Variants in GLIS3 observed in about 807,000 individuals in gnomAD.
GLIS3 encodes the protein zinc finger protein GLIS3.
GLIS3 carries 53 observed loss-of-function variants against 78.6 expected under a neutral mutation model. The observed-to-expected ratio is 0.67, with a 90% CI of 0.54 to 0.85. The LOEUF is 0.85. Ranked by LOEUF, GLIS3 falls within the 40% of genes least tolerant of loss-of-function variation. GLIS3 has a pLI of 0.00. For synonymous variants in GLIS3, 684 were observed against 509.9 expected (o/e 1.34, Z -4.60); for missense variants, 1,703 against 1,231.1 (o/e 1.38, Z -5.74).
the GLIS3 span, among the ~76,000 whole-genome samples, chr9:4,448,965 G>C: frequency 6.6e-6 from 1 of 152,214 alleles, no homozygotes; most frequent in Non-Finnish European, 1.5e-5. Flanking sequence ...CACTGGGACT[G>C]TTTGGACAGT....
chr9:4,125,362 A>T (rs1395181184), intron 3 of GLIS3, among the ~76,000 whole-genome samples: 2 of 152,146 alleles, frequency 1.3e-5, no homozygotes, highest in African/African-American at 4.8e-5. Flanking sequence ...TTCATAGAAA[A>T]CCTGGCAGGT....
chr9:3,903,552 G>C (rs997312529), intron 6 of GLIS3, among the ~76,000 whole-genome samples: 10 of 152,194 alleles, frequency 6.6e-5, no homozygotes, highest in Non-Finnish European at 1.3e-4. Context: ...TGGTTCCAGA[G>C]TGGCTCTGCC....
chr9:4,016,050 G>A (rs541520835), intron 4 of GLIS3, among the ~76,000 whole-genome samples: 3 of 152,216 alleles, frequency 2.0e-5, no homozygotes, highest in East Asian at 3.9e-4. Context: ...GCTATTAAGC[G>A]TATAGTACTA....
At chr9:4,059,829 T>TGTGTGTGTGAGA in intron 4 of GLIS3, among the ~76,000 whole-genome samples, 2,698 of 100,658 alleles carry the variant, frequency 0.027, 68 homozygotes, top group Middle Eastern at 0.07. Flanking sequence ...TGTGTGTGTG[T>TGTGTGTGTGAGA]GAGAGAGAGA....
intron 2 of GLIS3, among the ~76,000 whole-genome samples, chr9:4,263,832 C>G (rs1281551933): frequency 6.6e-6 from 1 of 152,168 alleles, no homozygotes; most frequent in East Asian, 1.9e-4. Flanking sequence ...TGGTTTTCTT[C>G]CTACCTCATT....
chr9:4,174,936 G>A (rs1022672563), intron 2 of GLIS3, among the ~76,000 whole-genome samples: 4 of 152,158 alleles, frequency 2.6e-5, no homozygotes, highest in African/African-American at 4.8e-5. Context: ...TATGACTGAC[G>A]ACGCTGGAAG....
At chr9:4,060,909 G>A (rs1826590204) in intron 4 of GLIS3, among the ~76,000 whole-genome samples, 1 of 152,150 alleles carries the variant, frequency 6.6e-6, no homozygotes, top group Non-Finnish European at 1.5e-5. Flanking sequence ...CCATTTGAAT[G>A]TGCCACCACT....
the GLIS3 span, among the ~76,000 whole-genome samples, chr9:4,398,264 T>G: frequency 2.0e-5 from 3 of 152,060 alleles, no homozygotes; most frequent in African/African-American, 7.3e-5. Context: ...TAAGTGGTTA[T>G]TTTCTACATC....
chr9:4,407,785 G>C, the GLIS3 span, among the ~76,000 whole-genome samples: 3 of 152,146 alleles, frequency 2.0e-5, no homozygotes, highest in East Asian at 5.8e-4. Context: ...AAGTTAAAAA[G>C]CTTCTGCACA....
At chr9:4,055,276 A>C (rs1025098161) in intron 4 of GLIS3, among the ~76,000 whole-genome samples, 2 of 152,168 alleles carry the variant, frequency 1.3e-5, no homozygotes, top group Non-Finnish European at 1.5e-5. Flanking sequence ...ACAGATGTCG[A>C]GTCTGACTAA....
At chr9:3,833,142 T>G (rs879252315) in intron 9 of GLIS3, among the ~76,000 whole-genome samples, 1 of 152,172 alleles carries the variant, frequency 6.6e-6, no homozygotes, top group Non-Finnish European at 1.5e-5. Context: ...AGACTCTAAT[T>G]CCTGCCTGTG....
At chr9:3,939,037 G>C (rs1826053107) in intron 4 of GLIS3, among the ~76,000 whole-genome samples, 1 of 152,170 alleles carries the variant, frequency 6.6e-6, no homozygotes, top group Non-Finnish European at 1.5e-5. Flanking sequence ...TAGGTCTGAA[G>C]TGAGCTTGTG....
the GLIS3 span, among the ~76,000 whole-genome samples, chr9:4,372,668 C>T: frequency 6.6e-6 from 1 of 151,986 alleles, no homozygotes; most frequent in African/African-American, 2.4e-5. Context: ...GATGACCAAA[C>T]GGAGAAAGTC....
At chr9:4,069,752 G>C (rs1564009293) in intron 4 of GLIS3, among the ~76,000 whole-genome samples, 1 of 152,050 alleles carries the variant, frequency 6.6e-6, no homozygotes, top group Non-Finnish European at 1.5e-5. Flanking sequence ...GCCTTTTACA[G>C]CTGTTTTGTT....
At chr9:4,140,857 G>C (rs983277913) in intron 2 of GLIS3, among the ~76,000 whole-genome samples, 2 of 150,504 alleles carry the variant, frequency 1.3e-5, no homozygotes, top group Non-Finnish European at 2.9e-5. Context: ...GGAGTGCAGT[G>C]GCACAATCTC....
chr9:3,902,989 T>C (rs1198737382), intron 6 of GLIS3, among the ~76,000 whole-genome samples: 1 of 152,300 alleles, frequency 6.6e-6, no homozygotes, highest in Non-Finnish European at 1.5e-5. Flanking sequence ...CTGCAAGTCA[T>C]TGGACTTGGA....
At chr9:3,991,911 T>A (rs1751570) in intron 4 of GLIS3, among the ~76,000 whole-genome samples, 1 of 151,802 alleles carries the variant, frequency 6.6e-6, no homozygotes, top group East Asian at 1.9e-4. Flanking sequence ...AGGACAGTCT[T>A]GATCTCCTGA....
chr9:4,423,006 G>C, the GLIS3 span, among the ~76,000 whole-genome samples: 1 of 152,134 alleles, frequency 6.6e-6, no homozygotes, highest in African/African-American at 2.4e-5. Flanking sequence ...AATTAGGTGT[G>C]TTCTAAGGGT....
At chr9:4,084,707 C>A (rs571063600) in intron 4 of GLIS3, among the ~76,000 whole-genome samples, 16 of 152,258 alleles carry the variant, frequency 1.1e-4, no homozygotes, top group Middle Eastern at 3.4e-3. Context: ...CAGAAGCATG[C>A]CGTACAGTAA....
Sources: allele counts gnomAD v4.1 joint callset (sites outside exome capture counted in the v4.1 genomes callset), GRCh38; gene constraint gnomAD v4.1.1; transcripts MANE v1.5; gene names NCBI Gene and HGNC (gene_info 2026-07-23, HGNC 2026-07-21).